Variants in POF1B observed in about 807,000 individuals in gnomAD.
POF1B encodes POF1B actin binding protein.
POF1B carries 53 observed loss-of-function variants against 55.3 expected under a neutral mutation model. The ratio of observed to expected loss-of-function variants is 0.96; its 90% CI spans 0.77 to 1.20. The LOEUF (loss-of-function observed/expected upper bound fraction) is 1.20, where lower values mean the gene tolerates loss of function less well. Among genes scored for constraint, POF1B ranks in the 50% most tolerant of loss-of-function variants. The pLI, the probability that POF1B is intolerant of heterozygous loss-of-function variation, is 0.00. For missense variants in POF1B, 478 were observed against 420.5 expected (o/e 1.14, Z -1.20); for synonymous variants, 188 against 148.3 (o/e 1.27, Z -1.95).
At position 85,379,207 on chromosome X, in the gene POF1B, G is replaced by C. The variant is rs768124779; in HGVS notation, c.248C>G (p.Ser83Cys). The change falls in exon 2 of 17, where the codon TCC (serine) becomes TGC (cysteine). Residue 83 changes from serine (S) to cysteine (C), a missense_variant. Transcript: ENST00000262753. ...EVLSPLKTTS[S>C]YQNLVWSDHS... is the part of the protein sequence containing the mutation. ...GTCGCTCCAAACCAAATTTTGGTAG[G>C]AGGAGGTGGTTTTGAGAGGGGAGAG... The C allele has an allele frequency of 8.3e-7, 1 of 1,211,303 alleles. No individual in the cohort carries two copies. The highest frequency in any genetic ancestry group is 2.2e-5 in the Admixed American group (1 of 45,969).
intron 14 of POF1B, among the ~76,000 whole-genome samples, 174 bp downstream of exon 14, chrX:85,304,169 G>T (rs997189436): frequency 5.4e-5 from 6 of 111,144 alleles, no homozygotes; most frequent in Non-Finnish European, 1.1e-4. Flanking sequence ...CATTTGAATT[G>T]TGTCTCCTGA....
chrX:85,291,761 A>G (rs937132547), intron 15 of POF1B, among the ~76,000 whole-genome samples: 4 of 110,839 alleles, frequency 3.6e-5, no homozygotes, highest in Non-Finnish European at 7.6e-5. Flanking sequence ...TGATTTTTGC[A>G]TATTGATTTT....
chrX:85,359,488 G>T, intron 4 of POF1B, 62 bp downstream of exon 4: 1 of 828,734 alleles, frequency 1.2e-6, no homozygotes, highest in Non-Finnish European at 1.8e-6. Flanking sequence ...AACTGATTAA[G>T]CCTTTTTGTT....
At chrX:85,285,595 G>T (rs1023541036) in intron 15 of POF1B, among the ~76,000 whole-genome samples, 1 of 100,524 alleles carries the variant, frequency 9.9e-6, no homozygotes, top group Non-Finnish European at 2.0e-5. Flanking sequence ...GGTGGGAATT[G>T]AACAATGAGA....
At chrX:85,327,193 A>G (rs746464861) in intron 7 of POF1B, among the ~76,000 whole-genome samples, 1 of 110,624 alleles carries the variant, frequency 9.0e-6, no homozygotes, top group Admixed American at 9.6e-5. Flanking sequence ...CCAGAGGCCC[A>G]GGGCAAGTGC....
intron 15 of POF1B, among the ~76,000 whole-genome samples, chrX:85,284,270 A>G (rs923000538): frequency 8.9e-6 from 1 of 111,843 alleles, no homozygotes; most frequent in South Asian, 3.7e-4. Context: ...CCATCAAGCT[A>G]CCAATGACTT....
At chrX:85,283,093 A>G (rs1265388869) in intron 15 of POF1B, among the ~76,000 whole-genome samples, 1 of 111,674 alleles carries the variant, frequency 9.0e-6, no homozygotes, top group East Asian at 2.8e-4. Context: ...GATGTATTAA[A>G]TTGTTTCCAA....
intron 15 of POF1B, among the ~76,000 whole-genome samples, chrX:85,288,013 T>G (rs775622930): frequency 9.0e-6 from 1 of 111,692 alleles, no homozygotes; most frequent in East Asian, 2.8e-4. Flanking sequence ...ATTTTAAGAA[T>G]GGAGAAGTAA....
intron 4 of POF1B, among the ~76,000 whole-genome samples, chrX:85,353,811 CA>C (rs1933434107): frequency 9.0e-6 from 1 of 111,026 alleles, no homozygotes; most frequent in South Asian, 3.7e-4. Flanking sequence ...AAATGAAGAG[CA>C]AATACAGAAC....
chrX:85,284,081 C>T (rs1158921002), intron 15 of POF1B, among the ~76,000 whole-genome samples: 1 of 110,441 alleles, frequency 9.1e-6, no homozygotes, highest in Non-Finnish European at 1.9e-5. Flanking sequence ...GAATAAAATA[C>T]CTAGGAATCC....
chrX:85,300,218 C>A (rs1043524757), intron 15 of POF1B, among the ~76,000 whole-genome samples: 6 of 111,598 alleles, frequency 5.4e-5, no homozygotes, highest in African/African-American at 2.0e-4. Flanking sequence ...ATGCCCAAGG[C>A]TGTACGCATG....
intron 2 of POF1B, among the ~76,000 whole-genome samples, chrX:85,373,928 T>A (rs1676952282): frequency 9.0e-6 from 1 of 111,078 alleles, no homozygotes; most frequent in South Asian, 3.8e-4. Flanking sequence ...TAGAGAACAA[T>A]CATTTACACT....
Position 85,303,457 on chromosome X carries a change from G to T in POF1B, c.1598C>A (p.Ser533Tyr). 8.4e-7 allele frequency: 1 copy of T among 1,191,857 alleles called. No homozygotes were observed. The highest frequency in any genetic ancestry group is 1.1e-6 in the Non-Finnish European group (1 of 880,922). The change falls in exon 15 of 17, where the codon TCC becomes TAC. Residue 533 changes from serine (S) to tyrosine (Y), a missense_variant. Transcript: ENST00000262753. ...ELSKLRQEIY[S>Y]SHNQPSTGGR... ...ACCAGTGGAGGGTTGGTTATGAGAG[G>T]AATATATTTCTTGCCGCAACTTGGA... is the stretch of plus-strand genomic sequence containing the variant.
Sources: gnomAD v4.1 joint callset for allele counts (sites outside exome capture counted in the v4.1 genomes callset) on GRCh38, gnomAD v4.1.1 for gene constraint, MANE v1.5 for transcripts, NCBI Gene and HGNC (gene_info 2026-07-23, HGNC 2026-07-21) for gene names.